NMT1: variants seen among roughly 807,000 people sequenced by gnomAD.
NMT1 encodes glycylpeptide N-tetradecanoyltransferase 1.
Under a neutral mutation model 63.4 loss-of-function variants are expected in NMT1, and 12 were observed. The observed-to-expected ratio is 0.19, with a 90% CI of 0.12 to 0.31. The LOEUF is 0.31. Among genes scored for constraint, NMT1 ranks in the 10% least tolerant of loss-of-function variants. The pLI is 1.00. For missense variants in NMT1, 432 were observed against 634.6 expected (o/e 0.68, Z 3.43); for synonymous variants, 228 against 234.3 (o/e 0.97, Z 0.25).
rs2054190530 is a variant in NMT1 at position 45,104,495 on chromosome 17, T to C, written c.1333-364T>C. On this transcript the variant is annotated intron_variant, in intron 10 of 11. Transcript: ENST00000258960. This position sits in a 1 kb window ranked among gnomAD's most constrained non-coding sequence, Gnocchi z 4.2. Reference sequence around the variant, plus strand: ...GAGTAAGGAAGCAACACAAACCCCATGTAGCTGACCAGAGCCAGCTTCTCA... The same window carrying C: ...GAGTAAGGAAGCAACACAAACCCCACGTAGCTGACCAGAGCCAGCTTCTCA... The C allele has an allele frequency of 2.7e-6, 3 of 1,107,952 alleles. No individual in the cohort carries two copies. The highest frequency in any genetic ancestry group is 1.6e-5 in the African/African-American group (1 of 61,988). The allele number at this position is 1,107,952 out of a possible 1,614,324, so 68.6% of individuals were successfully genotyped here.
At chr17:45,101,563 G>T (rs187516631) in intron 8 of NMT1, among the ~76,000 whole-genome samples, 4 of 141,174 alleles carry the variant, frequency 2.8e-5, no homozygotes, top group African/African-American at 1.1e-4. Flanking sequence ...AGGTTGCAGC[G>T]AGCCGAGATC....
rs1006353220 is a variant in NMT1, at chr17:45,108,619, T to C, written c.*2980T>C. The C allele has an allele frequency of 6.6e-6, 1 of 152,536 alleles. No homozygotes were observed. Among genetic ancestry groups the C allele is most frequent in the Non-Finnish European group, 1.5e-5 (1 of 68,034 alleles). 9.4% of individuals were successfully genotyped at this position (152,536 alleles called of 1,614,324 possible). A position where few individuals can be genotyped will look rare whatever the true frequency, so the allele number is the denominator to read the frequency against. ...CTCTAGGAGAAGGAGGGGAACCAGATGTTAGATCAGGGGAGGGAGCAGGAG... is the reference window on the plus strand; with the variant it reads ...CTCTAGGAGAAGGAGGGGAACCAGACGTTAGATCAGGGGAGGGAGCAGGAG... On this transcript the variant is annotated 3_prime_UTR_variant, in exon 12 of 12. Transcript: ENST00000258960.
At chr17:45,088,130 AAG>A (rs2054066125) in intron 3 of NMT1, among the ~76,000 whole-genome samples, 1 of 152,208 alleles carries the variant, frequency 6.6e-6, no homozygotes. Context: ...CCAGGTGGAC[AAG>A]AGGGGTGCTG....
At chr17:45,066,390 A>C (rs1246757699) in intron 1 of NMT1, among the ~76,000 whole-genome samples, 1 of 152,098 alleles carries the variant, frequency 6.6e-6, no homozygotes, top group Admixed American at 6.6e-5. Context: ...TTGTATATGA[A>C]TTTAGTTCTT....
intron 1 of NMT1, among the ~76,000 whole-genome samples, chr17:45,069,992 T>G (rs181826655): frequency 2.0e-5 from 3 of 152,296 alleles, no homozygotes; most frequent in Admixed American, 1.3e-4. Context: ...ACCTTGGAGT[T>G]GCAAAGTCAA....
rs554040140 is a variant in NMT1, at chr17:45,105,546, A to G, written c.1471-73A>G. The G allele has an allele frequency of 1.9e-6, 3 of 1,560,326 alleles. No individual in the cohort carries two copies. The highest frequency in any genetic ancestry group is 2.2e-5 in the South Asian group (2 of 89,298). ...CCCGGGCCCAGCCACTCGGAACTTC[A>G]GGGATAGGGGGTGTGGGAGAGTCTT... On this transcript the variant is annotated intron_variant, in intron 11 of 11. Transcript: ENST00000258960. This position sits in a 1 kb window ranked among gnomAD's most constrained non-coding sequence, Gnocchi z 4.2.
Position 45,061,456 on chromosome 17 carries a change from C to A in NMT1, c.127C>A (p.Arg43=). The A allele has an allele frequency of 1.2e-6, 2 of 1,612,298 alleles. No homozygotes were observed. The highest frequency in any genetic ancestry group is 1.7e-6 in the Non-Finnish European group (2 of 1,179,300). ...CENEEDNSYN[R]GGLSPANDTG... ...GAATGAGGAGGACAACAGCTACAAC[C>A]GGGGGTAACGAAATCCTCGGAGTCC... The change falls in exon 1 of 12, where the codon CGG becomes AGG. Residue 43 remains arginine, a synonymous_variant. Transcript: ENST00000258960.
At chr17:45,070,651 T>C (rs2053934055) in intron 1 of NMT1, among the ~76,000 whole-genome samples, 1 of 142,818 alleles carries the variant, frequency 7.0e-6, no homozygotes, top group South Asian at 2.2e-4. Context: ...TCTCCTGACC[T>C]CATGATCCGC....
In NMT1 at chr17:45,100,241, G is replaced by A. The variant is rs1289128095; in HGVS notation, c.993+728G>A. Among the ~76,000 whole-genome samples the A allele has an allele frequency of 3.9e-5, 6 of 151,962 alleles. No homozygotes were observed. In the South Asian group the frequency reaches 1.0e-3, roughly 26 times the overall value. Reference sequence around the variant, plus strand: ...GTAGCTGGGACTACAGGCGTGTGCCGCCATGCCCGGCCAATTTTTGTTTTT... The same window carrying A: ...GTAGCTGGGACTACAGGCGTGTGCCACCATGCCCGGCCAATTTTTGTTTTT... On this transcript the variant is annotated intron_variant, in intron 8 of 11. Transcript: ENST00000258960.
chr17:45,095,909 G>C (rs551483868), intron 4 of NMT1, among the ~76,000 whole-genome samples: 2 of 152,314 alleles, frequency 1.3e-5, no homozygotes, highest in South Asian at 4.1e-4. Flanking sequence ...CAGAAGTTGA[G>C]ACCAGTGGCT....
At chr17:45,098,716 A>G in intron 7 of NMT1, 164 bp downstream of exon 7, 2 of 621,962 alleles carry the variant, frequency 3.2e-6, no homozygotes, top group Non-Finnish European at 5.6e-6. Flanking sequence ...GAGCATGGAG[A>G]GGGCGGGAGG....
At chr17:45,071,948 A>T (rs2053942477) in intron 1 of NMT1, among the ~76,000 whole-genome samples, 1 of 152,158 alleles carries the variant, frequency 6.6e-6, no homozygotes, top group South Asian at 2.1e-4. Context: ...AGGAGAGAGA[A>T]GACAATGAAT....
chr17:45,097,462 G>A (rs1439199652), intron 6 of NMT1, among the ~76,000 whole-genome samples: 1 of 152,044 alleles, frequency 6.6e-6, no homozygotes, highest in Non-Finnish European at 1.5e-5. Flanking sequence ...AGGTTGGAAG[G>A]AGCCCACCCT....
At chr17:45,076,081 A>G (rs1487307527) in intron 1 of NMT1, among the ~76,000 whole-genome samples, 1 of 152,128 alleles carries the variant, frequency 6.6e-6, no homozygotes, top group African/African-American at 2.4e-5. Flanking sequence ...AAAACAAAAA[A>G]CATGAATCAA....
intron 8 of NMT1, among the ~76,000 whole-genome samples, chr17:45,102,094 TC>T (rs1455912819): frequency 6.6e-6 from 1 of 152,186 alleles, no homozygotes; most frequent in Non-Finnish European, 1.5e-5. Context: ...CATTGAGCGT[TC>T]CCCTAAAGAG....
chr17:45,080,789 C>T (rs535291346), intron 1 of NMT1, among the ~76,000 whole-genome samples: 4 of 151,476 alleles, frequency 2.6e-5, no homozygotes, highest in Non-Finnish European at 4.4e-5. Flanking sequence ...TTTTTTGAGA[C>T]GAGGTCTGTC....
chr17:45,093,738 C>A lies in NMT1; in HGVS notation c.439C>A (p.Gln147Lys), dbSNP rs1161073719. Residue 147 changes from glutamine (Q) to lysine (K), a missense_variant, in exon 4 of 12, where the codon CAG (glutamine) becomes AAG (lysine). This residue lies in a region of NMT1 where 295 missense variants were observed against 489.7 expected (regional missense o/e 0.60). Coordinates refer to ENST00000258960, the MANE Select transcript of NMT1 (RefSeq NM_021079.5). Reference sequence around the variant, plus strand: ...GGAGCCTGACAAGGACAATATCCGCCAGGAGCCCTACACCCTGCCCCAGGG... The same window carrying A: ...GGAGCCTGACAAGGACAATATCCGCAAGGAGCCCTACACCCTGCCCCAGGG... ...PVEPDKDNIR[Q>K]EPYTLPQGFT... 6.2e-7 allele frequency: 1 copy of A among 1,614,252 alleles called. No individual in the cohort carries two copies. Among genetic ancestry groups the A allele is most frequent in the Non-Finnish European group, 8.5e-7 (1 of 1,180,052 alleles).
chr17:45,103,157 G>T lies in NMT1; in HGVS notation c.1164+36G>T. On this transcript the variant is annotated intron_variant, in intron 9 of 11. Coordinates refer to ENST00000258960, the MANE Select transcript of NMT1 (RefSeq NM_021079.5). The surrounding 1 kb of genome is among the most constrained non-coding windows in gnomAD (Gnocchi z 4.8). ...GAGTGGTGTTCCAGGTCTCTAACAC[G>T]TTCCCAGAGAGGCACCCCCCTGAGT... 1 of 1,578,076 alleles carries T rather than the reference G, an allele frequency of 6.3e-7. No individual in the cohort carries two copies. The highest frequency in any genetic ancestry group is 8.7e-7 in the Non-Finnish European group (1 of 1,153,700).
intron 2 of NMT1, among the ~76,000 whole-genome samples, chr17:45,082,271 A>G (rs2054021820): frequency 6.8e-6 from 1 of 146,478 alleles, no homozygotes; most frequent in African/African-American, 2.5e-5. Context: ...ACACCTGTCC[A>G]GTTTTTTTTT....
Sources: allele counts gnomAD v4.1 joint callset (sites outside exome capture counted in the v4.1 genomes callset), GRCh38; gene constraint gnomAD v4.1.1; regional missense constraint gnomAD v4.1.1; non-coding constraint Gnocchi (gnomAD v3.1); transcripts MANE v1.5; gene names NCBI Gene and HGNC (gene_info 2026-07-23, HGNC 2026-07-21).